CEP152: variants seen among roughly 807,000 people sequenced by gnomAD.
The protein encoded by CEP152 is centrosomal protein of 152 kDa.
In CEP152, 132 loss-of-function variants were observed where a neutral mutation model predicts 188.9. The ratio of observed to expected loss-of-function variants is 0.70; its 90% CI spans 0.61 to 0.81. The LOEUF (loss-of-function observed/expected upper bound fraction) is 0.81. Ranked by LOEUF, CEP152 falls within the 30% of genes least tolerant of loss-of-function variation. CEP152 has a pLI of 0.00. For synonymous variants in CEP152, 649 were observed against 666.6 expected (o/e 0.97, Z 0.41); for missense variants, 1,914 against 1,969.8 (o/e 0.97, Z 0.54).
intron 2 of CEP152, among the ~76,000 whole-genome samples, chr15:48,730,587 G>C (rs1030167962): frequency 2.6e-5 from 4 of 152,160 alleles, no homozygotes; most frequent in African/African-American, 4.8e-5. Context: ...CAAAGTGGAG[G>C]AAGACTGGAA....
intron 6 of CEP152, among the ~76,000 whole-genome samples, chr15:48,793,951 T>C (rs1897142617): frequency 6.6e-6 from 1 of 152,222 alleles, no homozygotes. Context: ...CAAAATATTT[T>C]ATTTTAGGCA....
rs62621137 is a variant in CEP152 at position 48,810,977 on chromosome 15, T to A, written c.-24A>T. On this transcript the variant is annotated 5_prime_UTR_variant, in exon 1 of 27. Coordinates refer to ENST00000380950, the MANE Select transcript of CEP152 (RefSeq NM_001194998.2). ...AGAACTTACCGGAGGCCACGGAGGC[T>A]GTTACCGCGAGGAAACTCTAGTCCT... 18,759 of 152,534 alleles carry A rather than the reference T, an allele frequency of 0.12. 1,548 individuals are homozygous for A. The highest frequency in any genetic ancestry group is 0.18 in the Middle Eastern group (52 of 294). 9.4% of individuals were successfully genotyped at this position (152,534 alleles called of 1,614,324 possible). A position where few individuals can be genotyped will look rare whatever the true frequency, so the allele number is the denominator to read the frequency against.
chr15:48,768,256 G>C lies in CEP152; in HGVS notation c.1981C>G (p.Gln661Glu). Residue 661 changes from glutamine (Q) to glutamate (E), a missense_variant, in exon 15 of 27, where the codon CAA becomes GAA. By Grantham distance (29) the Gln-to-Glu change is conservative. Transcript: ENST00000380950. ...TCTTGTTTGTCATGGTCAAAATCTT[G>C]TACCATTTGTCTCATTTGATTACAT... ...DLCNQMRQMVQDFDHDKQEAV... is the reference protein window; with the variant it reads ...DLCNQMRQMVEDFDHDKQEAV... 1 of 1,612,026 alleles carries C rather than the reference G, an allele frequency of 6.2e-7. No individual in the cohort carries two copies. The highest frequency in any genetic ancestry group is 8.5e-7 in the Non-Finnish European group (1 of 1,178,148).
rs932488653 is a variant in CEP152, at chr15:48,756,556, A to G, written c.2695-3T>C. The stretch of plus-strand genomic sequence containing the variant: ...GCTTCAGAAACAGCAAATGATATCT[A>G]AAGAACATAACAACATGCATTTTGA... On this transcript the variant is annotated splice_region_variant and splice_polypyrimidine_tract_variant and intron_variant, in intron 19 of 26. Transcript: ENST00000380950. 4.4e-6 allele frequency: 7 copies of G among 1,603,336 alleles called. No homozygotes were observed. The highest frequency in any genetic ancestry group is 5.9e-6 in the Non-Finnish European group (7 of 1,179,664).
At position 48,751,421 on chromosome 15, in the gene CEP152, A is replaced by T. The variant is rs563025284; in HGVS notation, c.3466+928T>A. ...TCATCCACTGAATTGGCAGTAAGAT[A>T]TTCTCAGCCACCTAGAACCTAGAAG... On this transcript the variant is annotated intron_variant, in intron 21 of 26. Coordinates refer to ENST00000380950, the MANE Select transcript of CEP152 (RefSeq NM_001194998.2). 3.5e-4 allele frequency among the ~76,000 whole-genome samples: 53 copies of T among 152,348 alleles called. No individual in the cohort carries two copies. The South Asian group carries it at 3.7e-3, about 11-fold the overall frequency.
At position 48,762,409 on chromosome 15, in the gene CEP152, A is replaced by G. The variant is rs1219443135; in HGVS notation, c.2544T>C (p.Cys848=). 1 of 1,613,940 alleles carries G rather than the reference A, an allele frequency of 6.2e-7. No homozygotes were observed. ...KLEIELELKH[C]ENITKQVEIA... The stretch of plus-strand genomic sequence containing the variant: ...CTTTTACCTGTTTGGTAATATTTTC[A>G]CAATGTTTGAGTTCCAATTCAATTT... The change falls in exon 18 of 27, where the codon TGT becomes TGC. Residue 848 remains cysteine, a synonymous_variant. Transcript: ENST00000380950.
intron 19 of CEP152, 78 bp downstream of exon 19, chr15:48,760,056 TA>T: frequency 6.3e-7 from 1 of 1,583,540 alleles, no homozygotes; most frequent in South Asian, 1.1e-5. Flanking sequence ...TATGAGTAGG[TA>T]CAAATTCCAA....
At chr15:48,809,773 CT>C (rs1229249451) in intron 1 of CEP152, among the ~76,000 whole-genome samples, 2 of 152,152 alleles carry the variant, frequency 1.3e-5, no homozygotes, top group Non-Finnish European at 2.9e-5. Context: ...AGTTTTATTA[CT>C]ATTATGACAT....
intron 8 of CEP152, among the ~76,000 whole-genome samples, chr15:48,789,972 G>T (rs557057537): frequency 1.3e-5 from 2 of 152,276 alleles, no homozygotes; most frequent in Admixed American, 1.3e-4. Flanking sequence ...AATACACTTG[G>T]TGATTCTGCT....
At chr15:48,735,233 G>A (rs2140530732), downstream of CEP152, among the ~76,000 whole-genome samples, 1 of 152,270 alleles carries the variant, frequency 6.6e-6, no homozygotes, top group Non-Finnish European at 1.5e-5. Flanking sequence ...TCTTAGAAAT[G>A]AAGTAACATA....
intron 26 of CEP152, 142 bp from the exon 27 acceptor site, chr15:48,739,430 C>G: frequency 7.8e-7 from 1 of 1,274,742 alleles, no homozygotes; most frequent in South Asian, 2.1e-5. Context: ...TGCTTATATA[C>G]TGTAATAATT....
In CEP152 at chr15:48,797,708, C is replaced by T; in HGVS notation, c.214G>A (p.Glu72Lys). Residue 72 changes from glutamate to lysine, a missense_variant, in exon 4 of 27, where the codon GAG becomes AAG. By Grantham distance (56) the Glu-to-Lys change is moderately conservative. Coordinates refer to ENST00000380950, the MANE Select transcript of CEP152 (RefSeq NM_001194998.2). ...DGQPHHPEQL[E>K]MSWNEQMLPK... ...AGCATTTGCTCATTCCAGCTCATCT[C>T]CAATTGCTCAGGATGATGTGGTCTC... 6.2e-7 allele frequency: 1 copy of T among 1,614,112 alleles called. No homozygotes were observed. The highest frequency in any genetic ancestry group is 2.2e-5 in the East Asian group (1 of 44,880).
intron 8 of CEP152, among the ~76,000 whole-genome samples, chr15:48,790,543 C>G (rs1307104073): frequency 6.6e-6 from 1 of 152,148 alleles, no homozygotes; most frequent in East Asian, 1.9e-4. Flanking sequence ...TCACTCAAAA[C>G]CAAGCTCATT....
At chr15:48,755,765 G>T in intron 20 of CEP152, 138 bp downstream of exon 20, 1 of 1,509,768 alleles carries the variant, frequency 6.6e-7, no homozygotes, top group South Asian at 1.3e-5. Context: ...TTTCGCTACA[G>T]AAACTTTTTT....
chr15:48,794,507 C>T (rs989359585), intron 6 of CEP152, among the ~76,000 whole-genome samples: 1 of 152,108 alleles, frequency 6.6e-6, no homozygotes, highest in African/African-American at 2.4e-5. Context: ...AGAGCTAGCC[C>T]CATCTCCAAA....
intron 12 of CEP152, among the ~76,000 whole-genome samples, chr15:48,773,710 T>G (rs1895710160): frequency 6.6e-6 from 1 of 152,188 alleles, no homozygotes; most frequent in South Asian, 2.1e-4. Context: ...TGGGGCAAAA[T>G]TAGCCCCAGA....
intron 2 of CEP152, among the ~76,000 whole-genome samples, chr15:48,802,184 T>G (rs1475447050): frequency 6.6e-6 from 1 of 152,192 alleles, no homozygotes; most frequent in Non-Finnish European, 1.5e-5. Context: ...AAAGTCATAT[T>G]GTTACATTAT....
At chr15:48,768,934 T>C (rs1895323188) in intron 14 of CEP152, 22 bp downstream of exon 14, 1 of 1,425,224 alleles carries the variant, frequency 7.0e-7, no homozygotes, top group African/African-American at 1.4e-5. Context: ...TCTCATAAAA[T>C]ATAAAAAATA....
intron 18 of CEP152, among the ~76,000 whole-genome samples, chr15:48,760,708 C>T (rs1289704534): frequency 6.6e-6 from 1 of 152,092 alleles, no homozygotes; most frequent in African/African-American, 2.4e-5. Context: ...AGCCCTACAC[C>T]TGCGAACTTT....
Sources: gnomAD v4.1 joint callset for allele counts (sites outside exome capture counted in the v4.1 genomes callset) on GRCh38, gnomAD v4.1.1 for gene constraint, MANE v1.5 for transcripts, NCBI Gene and HGNC (gene_info 2026-07-23, HGNC 2026-07-21) for gene names.